The following TBC1D2B variants were observed in gnomAD, a reference collection of about 807,000 sequenced individuals.
The protein encoded by TBC1D2B is TBC1 domain family, member 2B.
Under a neutral mutation model 100.8 loss-of-function variants are expected in TBC1D2B, and 64 were observed. The observed-to-expected ratio is 0.64, with a 90% CI of 0.52 to 0.78. The LOEUF is 0.78. Among genes scored for constraint, TBC1D2B ranks in the 30% least tolerant of loss-of-function variants. The probability of loss-of-function intolerance (pLI) is 0.00; values close to 1 mark genes in which losing one functional copy is unlikely to be tolerated. For missense variants in TBC1D2B, 1,052 were observed against 1,218.4 expected (o/e 0.86, Z 2.03); for synonymous variants, 480 against 479.7 (o/e 1.00, Z -0.01).
chr15:78,009,701 G>A (rs1406549202), intron 9 of TBC1D2B, among the ~76,000 whole-genome samples: 2 of 152,248 alleles, frequency 1.3e-5, no homozygotes, highest in East Asian at 1.9e-4. Context: ...GCGGCTGGGC[G>A]CAATGGCTCA....
At chr15:78,011,625 C>T (rs2072228839) in intron 9 of TBC1D2B, among the ~76,000 whole-genome samples, 2 of 146,292 alleles carry the variant, frequency 1.4e-5, no homozygotes, top group African/African-American at 5.1e-5. Flanking sequence ...CACATGCCAC[C>T]ATGCCCAGCT....
chr15:78,024,404 G>A lies in TBC1D2B; in HGVS notation c.1222C>T (p.Leu408Phe), dbSNP rs776731092. 24 of 1,613,956 alleles carry A rather than the reference G, an allele frequency of 1.5e-5. No individual in the cohort carries two copies. The highest frequency in any genetic ancestry group is 1.1e-5 in the South Asian group (1 of 91,096). ...LHQKDDQILG[L>F]TSQLERFSLE... Reference sequence around the variant, plus strand: ...CTGAACCTCTCCAGCTGGCTGGTAAGGCCCAGAATCTGATCATCCTTTTGG... The same window carrying A: ...CTGAACCTCTCCAGCTGGCTGGTAAAGCCCAGAATCTGATCATCCTTTTGG... The change falls in exon 6 of 13, where the codon CTT becomes TTT. Residue 408 changes from leucine (L) to phenylalanine (F), a missense_variant. Coordinates refer to ENST00000300584, the MANE Select transcript of TBC1D2B (RefSeq NM_144572.2).
chr15:78,059,110 G>A (rs2073487737), intron 1 of TBC1D2B, among the ~76,000 whole-genome samples: 1 of 152,166 alleles, frequency 6.6e-6, no homozygotes, highest in South Asian at 2.1e-4. Context: ...TTCAGAGCAG[G>A]TTTCCCTGAT....
At chr15:78,061,142 G>C (rs1567033750) in intron 1 of TBC1D2B, among the ~76,000 whole-genome samples, 1 of 152,242 alleles carries the variant, frequency 6.6e-6, no homozygotes, top group East Asian at 1.9e-4. Context: ...TACTTGGGAG[G>C]CTGAGGCAGG....
At chr15:78,061,255 C>G (rs1410498102) in intron 1 of TBC1D2B, among the ~76,000 whole-genome samples, 2 of 151,098 alleles carry the variant, frequency 1.3e-5, no homozygotes, top group Non-Finnish European at 2.9e-5. Context: ...AAAAACAAAA[C>G]AAAAGACCCT....
intron 1 of TBC1D2B, among the ~76,000 whole-genome samples, chr15:78,058,909 T>C (rs894294): frequency 0.97 from 147,083 of 152,286 alleles, 71,226 homozygotes; most frequent in East Asian, 1. Flanking sequence ...ATGCCTTACC[T>C]AGGCCAGCTC....
chr15:78,025,172 G>T, intron 5 of TBC1D2B, 87 bp downstream of exon 5: 1 of 1,142,090 alleles, frequency 8.8e-7, no homozygotes, highest in Non-Finnish European at 1.3e-6. Flanking sequence ...TCCCCAGAAA[G>T]ACTCAGGGAA....
At chr15:78,060,116 GACA>G (rs2073512097) in intron 1 of TBC1D2B, among the ~76,000 whole-genome samples, 2 of 152,256 alleles carry the variant, frequency 1.3e-5, no homozygotes, top group South Asian at 4.1e-4. Flanking sequence ...AGGAAAAAGG[GACA>G]ACACCATGTA....
Position 78,017,917 on chromosome 15 carries a change from T to C in TBC1D2B, c.1511A>G (p.Asn504Ser), listed in dbSNP as rs1186442736. The C allele has an allele frequency of 3.7e-6, 6 of 1,610,468 alleles. No individual in the cohort carries two copies. Among genetic ancestry groups the C allele is most frequent in the South Asian group, 1.1e-5 (1 of 90,322 alleles). ...AGCTGAGAGTTCCAAAATCTCCTTA[T>C]TTAGAAATTTGTTTTGGGTTTTGTA... ...QGYKTQNKFL[N>S]KEILELSALR... Residue 504 changes from asparagine to serine, a missense_variant, in exon 7 of 13, where the codon AAT becomes AGT. Physicochemically the swap from Asn to Ser is conservative, Grantham distance 46. Transcript: ENST00000300584.
At chr15:78,057,604 C>A (rs1448937778) in intron 1 of TBC1D2B, among the ~76,000 whole-genome samples, 3 of 152,146 alleles carry the variant, frequency 2.0e-5, no homozygotes, top group African/African-American at 7.2e-5. Flanking sequence ...CGACACGGTG[C>A]CACTGCACTC....
At chr15:78,001,774 A>G in intron 11 of TBC1D2B, 34 bp from the exon 12 acceptor site, 1 of 1,580,418 alleles carries the variant, frequency 6.3e-7, no homozygotes, top group Non-Finnish European at 8.6e-7. Flanking sequence ...GTTAGTGGAA[A>G]AACCCTGTGG....
chr15:78,025,528 T>TTAG (rs1403788381), intron 4 of TBC1D2B, 31 bp from the exon 5 acceptor site: 1 of 1,419,680 alleles, frequency 7.0e-7, no homozygotes. Context: ...TATTTTATTA[T>TTAG]TATTATTATT....
chr15:78,070,446 C>T (rs2073725930), intron 1 of TBC1D2B, among the ~76,000 whole-genome samples: 1 of 152,112 alleles, frequency 6.6e-6, no homozygotes, highest in East Asian at 1.9e-4. Flanking sequence ...AACGTCTGTC[C>T]CCCCCACCTA....
At chr15:78,068,226 A>C (rs1003157949) in intron 1 of TBC1D2B, among the ~76,000 whole-genome samples, 3 of 152,226 alleles carry the variant, frequency 2.0e-5, no homozygotes, top group African/African-American at 7.2e-5. Flanking sequence ...TTTAAAGTTA[A>C]CACTACAGTT....
At chr15:78,001,810 G>C (rs1318475323) in intron 11 of TBC1D2B, 70 bp from the exon 12 acceptor site, 4 of 1,515,722 alleles carry the variant, frequency 2.6e-6, no homozygotes, top group African/African-American at 1.4e-5. Context: ...TGGACTCCAG[G>C]GGGGTGCTGG....
chr15:78,072,602 C>T (rs996217876), intron 1 of TBC1D2B, among the ~76,000 whole-genome samples: 9 of 152,214 alleles, frequency 5.9e-5, no homozygotes, highest in Admixed American at 2.0e-4. Flanking sequence ...GGGTACACAG[C>T]TATTCAGTTA....
chr15:78,044,786 A>G, intron 3 of TBC1D2B, 114 bp downstream of exon 3: 1 of 985,706 alleles, frequency 1.0e-6, no homozygotes, highest in Non-Finnish European at 1.5e-6. Context: ...TGATGTAAAC[A>G]ACAAAGGCCT....
intron 1 of TBC1D2B, among the ~76,000 whole-genome samples, chr15:78,065,836 G>A (rs1189523831): frequency 6.6e-6 from 1 of 152,128 alleles, no homozygotes; most frequent in African/African-American, 2.4e-5. Flanking sequence ...AGAGATTTGG[G>A]AGGCAGTGGA....
chr15:77,996,387 C>A lies in TBC1D2B; in HGVS notation c.*1773G>T, dbSNP rs2071757643. The A allele has an allele frequency of 6.6e-6, 1 of 151,374 alleles. No individual in the cohort carries two copies. The highest frequency in any genetic ancestry group is 2.1e-4 in the South Asian group (1 of 4,764). The allele number at this position is 151,374 out of a possible 1,614,324, so 9.4% of individuals were successfully genotyped here. On this transcript the variant is annotated 3_prime_UTR_variant, in exon 13 of 13. Coordinates refer to ENST00000300584, the MANE Select transcript of TBC1D2B (RefSeq NM_144572.2). ...CCTGCTGCACCTCCTCAGCAGCCGC[C>A]CCCCAGGCTGACAGCTGTCGTTTCA...
Sources: allele counts gnomAD v4.1 joint callset (sites outside exome capture counted in the v4.1 genomes callset), GRCh38; gene constraint gnomAD v4.1.1; transcripts MANE v1.5; gene names NCBI Gene and HGNC (gene_info 2026-07-23, HGNC 2026-07-21).